TMCC3: variants seen among roughly 807,000 people sequenced by gnomAD.
TMCC3 encodes transmembrane and coiled-coil domain family 3, also known as transmembrane and coiled-coil domain protein 3.
In TMCC3, 28 loss-of-function variants were observed where a neutral mutation model predicts 40.2. That is an observed-to-expected ratio of 0.70 (90% CI 0.52 to 0.95). The LOEUF (loss-of-function observed/expected upper bound fraction) is 0.95, where lower values mean the gene tolerates loss of function less well. TMCC3 is among the 40% of genes least tolerant of loss of function. The pLI is 0.00. For missense variants in TMCC3, 554 were observed against 615.2 expected, an observed-to-expected ratio of 0.90 and a Z score of 1.05; for synonymous variants, 255 against 248.5, an observed-to-expected ratio of 1.03 and a Z score of -0.25.
chr12:94,647,798 A>G (rs12303332), intron 1 of TMCC3, among the ~76,000 whole-genome samples: 1,951 of 152,360 alleles, frequency 0.013, 34 homozygotes, highest in African/African-American at 0.038. Flanking sequence ...CTTTCTGCAC[A>G]GTAAAATTGT....
chr12:94,574,537 C>A (rs1235711497), intron 3 of TMCC3, among the ~76,000 whole-genome samples: 2 of 152,150 alleles, frequency 1.3e-5, no homozygotes, highest in Non-Finnish European at 2.9e-5. Context: ...AATATAGTCA[C>A]CTTTTCAGGT....
intron 1 of TMCC3, among the ~76,000 whole-genome samples, chr12:94,583,825 C>T (rs1225228099): frequency 6.6e-6 from 1 of 152,200 alleles, no homozygotes; most frequent in Non-Finnish European, 1.5e-5. Context: ...TGTCAGGTCA[C>T]TCCATTGTTG....
intron 1 of TMCC3, among the ~76,000 whole-genome samples, chr12:94,635,635 T>C (rs2068955968): frequency 2.0e-5 from 3 of 151,434 alleles, no homozygotes; most frequent in East Asian, 1.9e-4. Flanking sequence ...ACTGGAGTTA[T>C]GCCTGTTTTT....
Position 94,571,506 on chromosome 12 carries a change from G to T in TMCC3, c.1363C>A (p.Leu455Ile). The change falls in exon 4 of 4, where the codon CTT becomes ATT. Residue 455 changes from leucine (L) to isoleucine (I), a missense_variant. Transcript: ENST00000261226. ...CAGTTTTTACAAAATATAGCAAGAA[G>T]AGTCACGGCAAAGAAGGTGCCAAGA... ...HILGTFFAVT[L>I]LAIFCKNWDH... 1 of 1,614,108 alleles carries T rather than the reference G, an allele frequency of 6.2e-7. No homozygotes were observed. Among genetic ancestry groups the T allele is most frequent in the Non-Finnish European group, 8.5e-7 (1 of 1,180,032 alleles).
intron 1 of TMCC3, among the ~76,000 whole-genome samples, chr12:94,613,306 T>TAATAAG (rs1345163779): frequency 5.3e-5 from 8 of 151,592 alleles, no homozygotes; most frequent in Non-Finnish European, 1.2e-4. Flanking sequence ...CTACCAATAA[T>TAATAAG]AATAATAATA....
chr12:94,614,183 T>C (rs2138862385), intron 1 of TMCC3, among the ~76,000 whole-genome samples: 1 of 152,178 alleles, frequency 6.6e-6, no homozygotes. Flanking sequence ...AGAATGAATG[T>C]CTTCTGTCAA....
intron 3 of TMCC3, among the ~76,000 whole-genome samples, chr12:94,575,012 T>C (rs772046469): frequency 6.6e-6 from 1 of 152,222 alleles, no homozygotes; most frequent in Non-Finnish European, 1.5e-5. Flanking sequence ...CCCACAATTT[T>C]TGGTACTTCC....
At chr12:94,595,497 T>A (rs1471801175) in intron 1 of TMCC3, among the ~76,000 whole-genome samples, 1 of 152,228 alleles carries the variant, frequency 6.6e-6, no homozygotes, top group Non-Finnish European at 1.5e-5. Context: ...AGCCCCAAAG[T>A]GCATTCCCAA....
Position 94,570,359 on chromosome 12 carries a change from T to C in TMCC3, c.*1076A>G, listed in dbSNP as rs1224584012. 1.3e-5 allele frequency: 2 copies of C among 152,206 alleles called. No individual in the cohort carries two copies. The highest frequency in any genetic ancestry group is 4.8e-5 in the African/African-American group (2 of 41,460). 9.4% of individuals were successfully genotyped at this position (152,206 alleles called of 1,614,324 possible). A position where few individuals can be genotyped will look rare whatever the true frequency, so the allele number is the denominator to read the frequency against. Reference sequence around the variant, plus strand: ...AAAACTGCAACATGACCATCATTTGTTTTCATTTCCTGAGTAAGCTTTGCA... The same window carrying C: ...AAAACTGCAACATGACCATCATTTGCTTTCATTTCCTGAGTAAGCTTTGCA... On this transcript the variant is annotated 3_prime_UTR_variant, in exon 4 of 4. Transcript: ENST00000261226.
intron 2 of TMCC3, among the ~76,000 whole-genome samples, chr12:94,580,210 G>A (rs1173794092): frequency 1.3e-5 from 2 of 152,042 alleles, no homozygotes; most frequent in East Asian, 3.8e-4. Flanking sequence ...AACTTTTGAA[G>A]TATCTCTTTA....
chr12:94,571,432 G>GCTTCA lies in TMCC3; in HGVS notation c.1432_*2dup. On this transcript the variant is annotated 3_prime_UTR_variant, in exon 4 of 4. Transcript: ENST00000261226. Reference sequence around the variant, plus strand: ...AAGAACTTGAAGGCAGGAACCAGTGGCTTCATCTTGGTATTATCATCCTTT... The same window carrying GCTTCA: ...AAGAACTTGAAGGCAGGAACCAGTGGCTTCACTTCATCTTGGTATTATCATCCTTT... The GCTTCA allele has an allele frequency of 6.2e-7, 1 of 1,608,370 alleles. No individual in the cohort carries two copies. The highest frequency in any genetic ancestry group is 8.5e-7 in the Non-Finnish European group (1 of 1,175,156).
intron 1 of TMCC3, among the ~76,000 whole-genome samples, chr12:94,601,767 C>T (rs1178608366): frequency 2.3e-5 from 3 of 130,786 alleles, no homozygotes; most frequent in African/African-American, 6.1e-5. Flanking sequence ...CAAGATTATG[C>T]CACTGCACTC....
intron 1 of TMCC3, chr12:94,591,034 G>A (rs563860642): frequency 1.1e-4 from 61 of 545,370 alleles, no homozygotes; most frequent in Non-Finnish European, 1.9e-4. Flanking sequence ...AGAAACATAC[G>A]AAGAGATATA....
intron 1 of TMCC3, among the ~76,000 whole-genome samples, chr12:94,583,749 A>G (rs753435392): frequency 3.3e-5 from 5 of 152,208 alleles, no homozygotes; most frequent in Non-Finnish European, 5.9e-5. Flanking sequence ...ATTCATAAAC[A>G]TGTAGACACC....
intron 3 of TMCC3, among the ~76,000 whole-genome samples, chr12:94,577,685 C>T (rs962427020): frequency 2.6e-5 from 4 of 152,132 alleles, no homozygotes; most frequent in African/African-American, 9.7e-5. Flanking sequence ...AATGTTTGTG[C>T]TGTCTTGAGT....
intron 1 of TMCC3, among the ~76,000 whole-genome samples, chr12:94,585,920 C>T (rs569992259): frequency 5.3e-5 from 8 of 152,274 alleles, no homozygotes; most frequent in South Asian, 2.1e-4. Context: ...TTGAAGTTCA[C>T]GTACTTCCCT....
chr12:94,650,316 C>G, intron 1 of TMCC3, 37 bp downstream of exon 1: 1 of 1,222,622 alleles, frequency 8.2e-7, no homozygotes, highest in Non-Finnish European at 1.0e-6. Flanking sequence ...CCCCCGGGCC[C>G]GCGCGCACCC....
chr12:94,638,791 A>C (rs2068974170), intron 1 of TMCC3, among the ~76,000 whole-genome samples: 1 of 152,256 alleles, frequency 6.6e-6, no homozygotes, highest in African/African-American at 2.4e-5. Flanking sequence ...AGACAGAGAA[A>C]AGGGACTTTT....
chr12:94,590,761 G>A (rs746632680), intron 1 of TMCC3: 11 of 408,670 alleles, frequency 2.7e-5, no homozygotes, highest in South Asian at 1.8e-4. Flanking sequence ...TCACGCTTCC[G>A]GAGACTGGAG....
Sources: allele counts gnomAD v4.1 joint callset (sites outside exome capture counted in the v4.1 genomes callset), GRCh38; gene constraint gnomAD v4.1.1; transcripts MANE v1.5; gene names NCBI Gene and HGNC (gene_info 2026-07-23, HGNC 2026-07-21).